NIPA2: variants seen among roughly 807,000 people sequenced by gnomAD.
NIPA2 encodes magnesium transporter NIPA2.
A neutral mutation model predicts 29.7 loss-of-function variants in NIPA2; 11 were observed. The ratio of observed to expected loss-of-function variants is 0.37; its 90% CI spans 0.23 to 0.61. The LOEUF (loss-of-function observed/expected upper bound fraction) is 0.61. Among genes scored for constraint, NIPA2 ranks in the 20% least tolerant of loss-of-function variants. NIPA2 has a pLI of 0.66. For missense variants in NIPA2, 426 were observed against 437.9 expected (o/e 0.97, Z 0.24); for synonymous variants, 183 against 161.9 (o/e 1.13, Z -0.99).
intron 7 of NIPA2, among the ~76,000 whole-genome samples, chr15:22,861,533 CAA>C (rs904689280): frequency 1.3e-5 from 2 of 152,234 alleles, no homozygotes; most frequent in Middle Eastern, 3.4e-3. Context: ...TTGTTTATCT[CAA>C]AATGTTTTTA....
chr15:22,854,133 TTTA>T (rs1340893960), intron 5 of NIPA2, among the ~76,000 whole-genome samples: 1 of 146,850 alleles, frequency 6.8e-6, no homozygotes, highest in East Asian at 2.1e-4. Flanking sequence ...CCGTTACTTA[TTTA>T]TTTATTTTTT....
At chr15:22,848,078 G>T (rs1034631553) in intron 3 of NIPA2, among the ~76,000 whole-genome samples, 1 of 151,904 alleles carries the variant, frequency 6.6e-6, no homozygotes, top group Non-Finnish European at 1.5e-5. Flanking sequence ...GATTACAGGC[G>T]TGAGCCACCA....
At position 22,860,768 on chromosome 15, in the gene NIPA2, T is replaced by A. The variant is rs2141471122; in HGVS notation, c.427T>A (p.Ser143Thr). The A allele has an allele frequency of 6.3e-7, 1 of 1,597,072 alleles. No individual in the cohort carries two copies. The highest frequency in any genetic ancestry group is 8.5e-7 in the Non-Finnish European group (1 of 1,175,234). The change falls in exon 7 of 8, where the codon TCT becomes ACT. Residue 143 changes from serine (S) to threonine (T), a missense_variant. By Grantham distance (58) the Ser-to-Thr change is moderately conservative (BLOSUM62 1). Transcript: ENST00000337451. ...GGAGATTGAGACTTTAAATGAAATGTCTCACAAGCTAGGTGATCCAGGTAA... is the reference window on the plus strand; with the variant it reads ...GGAGATTGAGACTTTAAATGAAATGACTCACAAGCTAGGTGATCCAGGTAA... ...EEEIETLNEM[S>T]HKLGDPGFVV...
At chr15:22,847,335 TC>T (rs1899036784) in intron 3 of NIPA2, among the ~76,000 whole-genome samples, 1 of 152,220 alleles carries the variant, frequency 6.6e-6, no homozygotes, top group Non-Finnish European at 1.5e-5. Flanking sequence ...TTTGATTTGT[TC>T]CATTACCATA....
In NIPA2 at chr15:22,867,945, T is replaced by G. The variant is rs891912820; in HGVS notation, c.*1098T>G. 6.6e-6 allele frequency: 1 copy of G among 151,478 alleles called. No individual in the cohort carries two copies. Among genetic ancestry groups the G allele is most frequent in the African/African-American group, 2.4e-5 (1 of 41,416 alleles). The allele number at this position is 151,478 out of a possible 1,614,324, so 9.4% of individuals were successfully genotyped here. On this transcript the variant is annotated 3_prime_UTR_variant, in exon 8 of 8. Coordinates refer to ENST00000337451, the MANE Select transcript of NIPA2 (RefSeq NM_030922.7). Reference sequence around the variant, plus strand: ...TGAACTCCATTCAGCTTTGAACCTATCCACTCATAACCATTGACTGGCCTT... The same window carrying G: ...TGAACTCCATTCAGCTTTGAACCTAGCCACTCATAACCATTGACTGGCCTT...
Position 22,866,993 on chromosome 15 carries a change from C to T in NIPA2, c.*146C>T. 1 of 747,828 alleles carries T rather than the reference C, an allele frequency of 1.3e-6. No individual in the cohort carries two copies. Among genetic ancestry groups the T allele is most frequent in the South Asian group, 2.1e-5 (1 of 48,574 alleles). The allele number at this position is 747,828 out of a possible 1,614,324, so 46.3% of individuals were successfully genotyped here. Reference sequence around the variant, plus strand: ...TTCACTAATTTGGACCAAGAAATTACTTTTCTTGTATTTAAACAAACAATG... The same window carrying T: ...TTCACTAATTTGGACCAAGAAATTATTTTTCTTGTATTTAAACAAACAATG... On this transcript the variant is annotated 3_prime_UTR_variant, in exon 8 of 8. Coordinates refer to ENST00000337451, the MANE Select transcript of NIPA2 (RefSeq NM_030922.7).
rs776312407 is a variant in NIPA2, at chr15:22,866,517, A to G, written c.753A>G (p.Ile251Met). ...DIFNTSIVTP[I>M]YYVFFTTSVL... ...TCAACACTTCCATTGTGACTCCAAT[A>G]TATTATGTATTCTTTACAACATCAG... The change falls in exon 8 of 8, where the codon ATA (isoleucine) becomes ATG (methionine). Residue 251 changes from isoleucine (I) to methionine (M), a missense_variant. Physicochemically the swap from Ile to Met is conservative, Grantham distance 10. Coordinates refer to ENST00000337451, the MANE Select transcript of NIPA2 (RefSeq NM_030922.7). 6.2e-7 allele frequency: 1 copy of G among 1,613,678 alleles called. No individual in the cohort carries two copies. The highest frequency in any genetic ancestry group is 8.5e-7 in the Non-Finnish European group (1 of 1,179,682).
At chr15:22,841,120 G>T (rs933355465) in intron 2 of NIPA2, among the ~76,000 whole-genome samples, 2 of 152,090 alleles carry the variant, frequency 1.3e-5, no homozygotes, top group Admixed American at 6.5e-5. Context: ...TTGTATTAGA[G>T]ATTTTCCTTC....
At chr15:22,850,541 T>C (rs183391995) in intron 3 of NIPA2, among the ~76,000 whole-genome samples, 2 of 152,350 alleles carry the variant, frequency 1.3e-5, no homozygotes, top group East Asian at 3.9e-4. Flanking sequence ...AATGTCGTGT[T>C]TACCATTATT....
intron 7 of NIPA2, among the ~76,000 whole-genome samples, chr15:22,865,113 C>T (rs1432261705): frequency 3.9e-5 from 6 of 151,920 alleles, no homozygotes; most frequent in East Asian, 2.0e-4. Context: ...CTGCCATCCT[C>T]GGCCTCCCAG....
intron 5 of NIPA2, 142 bp downstream of exon 5, chr15:22,853,410 G>C: frequency 2.2e-6 from 1 of 464,122 alleles, no homozygotes; most frequent in Non-Finnish European, 3.7e-6. Context: ...GTCTCACTCT[G>C]TCACCCAGGC....
intron 7 of NIPA2, among the ~76,000 whole-genome samples, chr15:22,865,939 T>C (rs1472556126): frequency 1.3e-5 from 2 of 152,164 alleles, no homozygotes; most frequent in African/African-American, 4.8e-5. Context: ...CCCTCTTGCC[T>C]GGTGAGCTAG....
rs1285431784 is a variant in NIPA2 at position 22,865,313 on chromosome 15, C to T, written c.449-900C>T. 7.9e-5 allele frequency among the ~76,000 whole-genome samples: 12 copies of T among 151,970 alleles called. 1 individual carries two copies. The highest frequency in any genetic ancestry group is 1.2e-4 in the Non-Finnish European group (8 of 67,936). On this transcript the variant is annotated intron_variant, in intron 7 of 7. Coordinates refer to ENST00000337451, the MANE Select transcript of NIPA2 (RefSeq NM_030922.7). Reference sequence around the variant, plus strand: ...CATCCTGACTAACATGGTGAAACCCCGTCTCTACTAAGAATACAAAAAATT... The same window carrying T: ...CATCCTGACTAACATGGTGAAACCCTGTCTCTACTAAGAATACAAAAAATT...
At chr15:22,863,723 C>T (rs912922560) in intron 7 of NIPA2, among the ~76,000 whole-genome samples, 3 of 152,152 alleles carry the variant, frequency 2.0e-5, no homozygotes, top group Admixed American at 6.6e-5. Context: ...TTACCTAGTC[C>T]CCTTAAGCTT....
At chr15:22,857,502 G>A (rs1184335127) in intron 5 of NIPA2, among the ~76,000 whole-genome samples, 1 of 150,970 alleles carries the variant, frequency 6.6e-6, no homozygotes, top group African/African-American at 2.4e-5. Context: ...TGTATATCCT[G>A]ATTCTAGAAC....
chr15:22,861,222 A>G (rs2058599828), intron 7 of NIPA2, among the ~76,000 whole-genome samples: 1 of 152,138 alleles, frequency 6.6e-6, no homozygotes, highest in African/African-American at 2.4e-5. Flanking sequence ...TGTATCATGA[A>G]ACTCTTCCCC....
rs1248320043 is a variant in NIPA2 at position 22,858,620 on chromosome 15, G to A, written c.277G>A (p.Val93Met). 7.5e-6 allele frequency: 12 copies of A among 1,594,842 alleles called. No homozygotes were observed. Among genetic ancestry groups the A allele is most frequent in the East Asian group, 4.5e-5 (2 of 44,414 alleles). Residue 93 changes from valine (V) to methionine (M), a missense_variant, in exon 6 of 8, where the codon GTG (valine) becomes ATG (methionine). By Grantham distance (21) the Val-to-Met change is conservative (BLOSUM62 1). This residue lies in a region of NIPA2 where 357 missense variants were observed against 339.8 expected (regional missense o/e 1.05). Transcript: ENST00000337451. The stretch of plus-strand genomic sequence containing the variant: ...AGTGACTCCACTAGGAGCTCTCAGC[G>A]TGCTAGTAAGGTAAGGACACGTTTT... Reference protein sequence around the residue: ...TLVTPLGALSVLVSAILSSYF... With the variant: ...TLVTPLGALSMLVSAILSSYF...
chr15:22,847,616 C>T (rs1899153709), intron 3 of NIPA2, among the ~76,000 whole-genome samples: 1 of 151,976 alleles, frequency 6.6e-6, no homozygotes. Context: ...AGGAACCCGC[C>T]ACTGCGCCAG....
At chr15:22,843,015 AAG>A (rs771789357) in intron 2 of NIPA2, among the ~76,000 whole-genome samples, 5 of 151,756 alleles carry the variant, frequency 3.3e-5, no homozygotes, top group East Asian at 3.9e-4. Flanking sequence ...AAAAAAAAAA[AAG>A]AGAGATCTAA....
Sources: gnomAD v4.1 joint callset for allele counts (sites outside exome capture counted in the v4.1 genomes callset) on GRCh38, gnomAD v4.1.1 for gene constraint, gnomAD v4.1.1 regional missense constraint, MANE v1.5 for transcripts, NCBI Gene and HGNC (gene_info 2026-07-23, HGNC 2026-07-21) for gene names.